Variants in PPP2R5A observed in about 807,000 individuals in gnomAD.
PPP2R5A encodes the protein protein phosphatase 2 regulatory subunit B'alpha.
A neutral mutation model predicts 64.2 loss-of-function variants in PPP2R5A; 25 were observed. The ratio of observed to expected loss-of-function variants is 0.39; its 90% CI spans 0.28 to 0.54. PPP2R5A has a LOEUF of 0.54. PPP2R5A is among the 20% of genes least tolerant of loss of function. The pLI is 0.67. For missense variants in PPP2R5A, 425 were observed against 576.3 expected (o/e 0.74, Z 2.69); for synonymous variants, 198 against 201.2 (o/e 0.98, Z 0.13).
chr1:212,300,934 A>G (rs1658789659), intron 1 of PPP2R5A, among the ~76,000 whole-genome samples: 1 of 152,152 alleles, frequency 6.6e-6, no homozygotes, highest in Non-Finnish European at 1.5e-5. Context: ...CACCACCACC[A>G]TCCCAAAGCC....
intron 1 of PPP2R5A, among the ~76,000 whole-genome samples, chr1:212,311,086 CT>C (rs1469501580): frequency 6.6e-6 from 1 of 152,134 alleles, no homozygotes; most frequent in East Asian, 1.9e-4. Context: ...TTCCTGTCCC[CT>C]AGTGATGTAG....
intron 3 of PPP2R5A, among the ~76,000 whole-genome samples, chr1:212,337,077 AAG>A (rs1324064526): frequency 2.0e-5 from 3 of 152,180 alleles, no homozygotes; most frequent in Admixed American, 6.5e-5. Flanking sequence ...ATGGAATAAA[AAG>A]AGATAGAAGA....
Position 212,347,460 on chromosome 1 carries a change from T to C in PPP2R5A, c.764+54T>C, listed in dbSNP as rs1659803239. ...GAATTAAGTAAGTGAATGTTTTATG[T>C]ATTAAAATCTTAGCTGGGGTTGGAG... On this transcript the variant is annotated intron_variant, in intron 6 of 12. Transcript: ENST00000261461. The C allele has an allele frequency of 8.3e-6, 11 of 1,328,996 alleles. No individual in the cohort carries two copies. The African/African-American group carries it at 8.9e-5, about 11-fold the overall frequency. 82.3% of individuals were successfully genotyped at this position (1,328,996 alleles called of 1,614,324 possible).
At chr1:212,297,168 C>T (rs925616566) in intron 1 of PPP2R5A, among the ~76,000 whole-genome samples, 1 of 131,396 alleles carries the variant, frequency 7.6e-6, no homozygotes, top group Admixed American at 8.6e-5. Flanking sequence ...ATCGCCCAGG[C>T]TGGAGTGTAA....
rs1157984302 is a variant in PPP2R5A, at chr1:212,360,806, T to C, written c.*36T>C. ...TCCCACCTCTGCCGGATAGGCAGAG[T>C]TTTGTATGCTTTTTTGAAATATGTA... On this transcript the variant is annotated 3_prime_UTR_variant, in exon 13 of 13. Coordinates refer to ENST00000261461, the MANE Select transcript of PPP2R5A (RefSeq NM_006243.4). 2.0e-6 allele frequency: 3 copies of C among 1,480,058 alleles called. No individual in the cohort carries two copies. Among genetic ancestry groups the C allele is most frequent in the Non-Finnish European group, 1.8e-6 (2 of 1,113,338 alleles). 91.7% of individuals were successfully genotyped at this position (1,480,058 alleles called of 1,614,324 possible).
intron 1 of PPP2R5A, chr1:212,301,932 A>C: frequency 7.6e-7 from 1 of 1,324,328 alleles, no homozygotes; most frequent in Non-Finnish European, 9.8e-7. Context: ...TTATAAAATT[A>C]TTATTTGTTA....
chr1:212,356,579 A>T, intron 8 of PPP2R5A, 47 bp from the exon 9 acceptor site: 1 of 1,565,072 alleles, frequency 6.4e-7, no homozygotes, highest in Non-Finnish European at 8.7e-7. Flanking sequence ...CGCTGGGATT[A>T]ACTAGCTTTG....
In PPP2R5A at chr1:212,322,330, T is replaced by C. The variant is rs539158526; in HGVS notation, c.182-6805T>C. On this transcript the variant is annotated intron_variant, in intron 1 of 12. Coordinates refer to ENST00000261461, the MANE Select transcript of PPP2R5A (RefSeq NM_006243.4). ...GATTGTTACTCATGTTTATAAAATA[T>C]AGCAAGAAGACAGGCTGATCTTTTT... Among the ~76,000 whole-genome samples the C allele has an allele frequency of 3.3e-5, 5 of 151,528 alleles. No homozygotes were observed. The East Asian group carries it at 7.8e-4, about 24-fold the overall frequency.
At chr1:212,344,793 AC>A (rs1172886969) in intron 4 of PPP2R5A, among the ~76,000 whole-genome samples, 2 of 152,162 alleles carry the variant, frequency 1.3e-5, no homozygotes, top group African/African-American at 4.8e-5. Context: ...ATAGGAGTAC[AC>A]TGATTGGGCC....
chr1:212,290,560 G>A (rs987774902), intron 1 of PPP2R5A, among the ~76,000 whole-genome samples: 60 of 152,266 alleles, frequency 3.9e-4, no homozygotes, highest in African/African-American at 1.3e-3. Flanking sequence ...AAGAGAAATT[G>A]CTAAATAAAG....
intron 4 of PPP2R5A, 84 bp downstream of exon 4, chr1:212,342,364 C>A: frequency 6.8e-7 from 1 of 1,475,878 alleles, no homozygotes; most frequent in East Asian, 2.4e-5. Flanking sequence ...TGTAGTCTTT[C>A]AAAACTTTAA....
chr1:212,294,531 T>G (rs1658658278), intron 1 of PPP2R5A, among the ~76,000 whole-genome samples: 1 of 148,208 alleles, frequency 6.7e-6, no homozygotes, highest in Non-Finnish European at 1.5e-5. Context: ...TTTTGTTTGC[T>G]GTGAAATTAG....
intron 3 of PPP2R5A, among the ~76,000 whole-genome samples, chr1:212,337,543 A>G (rs560544359): frequency 6.6e-6 from 1 of 152,148 alleles, no homozygotes; most frequent in Non-Finnish European, 1.5e-5. Context: ...CATATACTAT[A>G]TTTTAAATAT....
intron 1 of PPP2R5A, among the ~76,000 whole-genome samples, chr1:212,296,260 T>A (rs546191404): frequency 1.9e-4 from 29 of 149,942 alleles, no homozygotes; most frequent in African/African-American, 6.9e-4. Flanking sequence ...AAATCCAGAG[T>A]TGTATTTTGG....
At chr1:212,351,678 C>T (rs960649718) in intron 8 of PPP2R5A, among the ~76,000 whole-genome samples, 88 of 151,932 alleles carry the variant, frequency 5.8e-4, no homozygotes, top group African/African-American at 1.8e-3. Context: ...TGCAGTGAGC[C>T]GAGATCACAG....
chr1:212,356,796 A>G, intron 9 of PPP2R5A, 120 bp downstream of exon 9: 1 of 1,314,412 alleles, frequency 7.6e-7, no homozygotes, highest in Non-Finnish European at 1.0e-6. Context: ...ATGTACACAG[A>G]CTTGGTAGAA....
chr1:212,337,336 C>G (rs1300628513), intron 3 of PPP2R5A, among the ~76,000 whole-genome samples: 1 of 152,048 alleles, frequency 6.6e-6, no homozygotes, highest in African/African-American at 2.4e-5. Flanking sequence ...TTTTCACTTT[C>G]TTTTATTAAT....
intron 4 of PPP2R5A, 42 bp downstream of exon 4, chr1:212,342,322 A>G: frequency 6.3e-7 from 1 of 1,586,342 alleles, no homozygotes; most frequent in Non-Finnish European, 8.6e-7. Context: ...TATTCATCTT[A>G]GCAATGATTT....
At chr1:212,295,329 T>C (rs758314429) in intron 1 of PPP2R5A, among the ~76,000 whole-genome samples, 8 of 152,198 alleles carry the variant, frequency 5.3e-5, no homozygotes, top group South Asian at 2.1e-4. Context: ...GGATGTATGA[T>C]AGCAGTTTAT....
Sources: gnomAD v4.1 joint callset for allele counts (sites outside exome capture counted in the v4.1 genomes callset) on GRCh38, gnomAD v4.1.1 for gene constraint, MANE v1.5 for transcripts, NCBI Gene and HGNC (gene_info 2026-07-23, HGNC 2026-07-21) for gene names.